The following ZFR2 variants were observed in gnomAD, a reference collection of about 807,000 sequenced individuals.
ZFR2 encodes the protein zinc finger RNA-binding protein 2.
ZFR2 carries 104 observed loss-of-function variants against 105.7 expected under a neutral mutation model. The observed-to-expected ratio is 0.98, with a 90% CI of 0.84 to 1.16. ZFR2 has a LOEUF of 1.16. ZFR2 is among the 50% of genes most tolerant of loss of function. The pLI, the probability that ZFR2 is intolerant of heterozygous loss-of-function variation, is 0.00. For synonymous variants in ZFR2, 634 were observed against 597.7 expected (o/e 1.06, Z -0.89); for missense variants, 1,425 against 1,355.5 (o/e 1.05, Z -0.80).
rs2038013875 is a variant in ZFR2, at chr19:3,831,440, G to A, written c.715C>T (p.Pro239Ser). 6.4e-7 allele frequency: 1 copy of A among 1,551,412 alleles called. No homozygotes were observed. Among genetic ancestry groups the A allele is most frequent in the South Asian group, 1.2e-5 (1 of 84,176 alleles). ...PPQQLPPPPAPAGSGSSPRAD... is the reference protein window; with the variant it reads ...PPQQLPPPPASAGSGSSPRAD... Reference sequence around the variant, plus strand: ...CTGGGGCTGCTTCCTGAGCCTGCAGGCGCGGGCGGCGGGGGCAGCTGCTGC... The same window carrying A: ...CTGGGGCTGCTTCCTGAGCCTGCAGACGCGGGCGGCGGGGGCAGCTGCTGC... The change falls in exon 5 of 19, where the codon CCT becomes TCT. Residue 239 changes from proline to serine, a missense_variant. By Grantham distance (74) the Pro-to-Ser change is moderately conservative (BLOSUM62 -1). Coordinates refer to ENST00000262961, the MANE Select transcript of ZFR2 (RefSeq NM_015174.2).
intron 1 of ZFR2, among the ~76,000 whole-genome samples, chr19:3,868,290 C>T (rs1392527295): frequency 6.6e-6 from 1 of 151,496 alleles, no homozygotes. Context: ...TTTCTCCTCC[C>T]CTACAAGTAA....
intron 1 of ZFR2, 92 bp downstream of exon 1, chr19:3,868,873 C>T: frequency 9.3e-7 from 1 of 1,072,310 alleles, no homozygotes. Context: ...TGGGGCCGGG[C>T]CGGGCGCACG....
At chr19:3,811,171 G>A in intron 15 of ZFR2, 101 bp downstream of exon 15, 1 of 1,178,440 alleles carries the variant, frequency 8.5e-7, no homozygotes, top group South Asian at 1.6e-5. Flanking sequence ...TGCGCTGGGA[G>A]CCCACGGGGC....
intron 5 of ZFR2, among the ~76,000 whole-genome samples, chr19:3,828,960 AT>A (rs1173197984): frequency 8.1e-6 from 1 of 123,516 alleles, no homozygotes; most frequent in Non-Finnish European, 1.7e-5. Context: ...GAACTTAGGA[AT>A]CTTTTTTTTT....
intron 1 of ZFR2, among the ~76,000 whole-genome samples, chr19:3,839,139 C>T (rs2038108515): frequency 6.6e-6 from 1 of 152,084 alleles, no homozygotes; most frequent in South Asian, 2.1e-4. Context: ...AGGGCCCTAT[C>T]CATAAAGAAG....
At chr19:3,860,923 C>G (rs549697601) in intron 1 of ZFR2, among the ~76,000 whole-genome samples, 2 of 152,262 alleles carry the variant, frequency 1.3e-5, no homozygotes, top group African/African-American at 4.8e-5. Flanking sequence ...ACCCCAGGTT[C>G]TCATGAGCAA....
rs2037892088 is a variant in ZFR2 at position 3,821,454 on chromosome 19, A to G, written c.1517T>C (p.Ile506Thr). 4 of 1,607,904 alleles carry G rather than the reference A, an allele frequency of 2.5e-6. No homozygotes were observed. Among genetic ancestry groups the G allele is most frequent in the Non-Finnish European group, 2.6e-6 (3 of 1,176,082 alleles). The change falls in exon 10 of 19, where the codon ATT (isoleucine) becomes ACT (threonine). Residue 506 changes from isoleucine to threonine, a missense_variant. Transcript: ENST00000262961. Reference protein sequence around the residue: ...YRKKVNPDLPIATEPSSRARK... With the variant: ...YRKKVNPDLPTATEPSSRARK... ...AGCCCGGCTGCTGGGCTCCGTGGCA[A>G]TGGGAAGGTCCGGGTTCACTTTCTT...
At chr19:3,849,313 C>T (rs997092332) in intron 1 of ZFR2, among the ~76,000 whole-genome samples, 6 of 152,236 alleles carry the variant, frequency 3.9e-5, no homozygotes, top group African/African-American at 1.2e-4. Context: ...TTTGTCTCCA[C>T]CTGGTGGACA....
chr19:3,810,588 C>T (rs2037751903), intron 16 of ZFR2, among the ~76,000 whole-genome samples, 162 bp downstream of exon 16: 1 of 152,374 alleles, frequency 6.6e-6, no homozygotes, highest in Admixed American at 6.5e-5. Context: ...GGGCCGTCTC[C>T]CCCGCAAGGG....
chr19:3,806,134 C>A lies in ZFR2; in HGVS notation c.2644-9G>T. 1 of 1,424,254 alleles carries A rather than the reference C, an allele frequency of 7.0e-7. No individual in the cohort carries two copies. Among genetic ancestry groups the A allele is most frequent in the Non-Finnish European group, 9.2e-7 (1 of 1,090,490 alleles). 88.2% of individuals were successfully genotyped at this position (1,424,254 alleles called of 1,614,324 possible). On this transcript the variant is annotated splice_polypyrimidine_tract_variant and intron_variant, in intron 18 of 18. Transcript: ENST00000262961. Reference sequence around the variant, plus strand: ...AGCATTCGCAGGGCGTGCTGCGGGGCACACACAGCCTGTCAGGACCCCCGC... The same window carrying A: ...AGCATTCGCAGGGCGTGCTGCGGGGAACACACAGCCTGTCAGGACCCCCGC...
intron 1 of ZFR2, among the ~76,000 whole-genome samples, chr19:3,836,388 G>A (rs948666494): frequency 4.6e-5 from 7 of 152,048 alleles, no homozygotes; most frequent in African/African-American, 1.7e-4. Flanking sequence ...TCAGTGCTAC[G>A]ATCACAGCCC....
chr19:3,828,353 G>A (rs1286282591), intron 5 of ZFR2, among the ~76,000 whole-genome samples: 1 of 152,106 alleles, frequency 6.6e-6, no homozygotes, highest in Non-Finnish European at 1.5e-5. Context: ...AAACCCACAG[G>A]CTCAGACTGC....
At chr19:3,849,521 C>T (rs2038215208) in intron 1 of ZFR2, among the ~76,000 whole-genome samples, 1 of 152,244 alleles carries the variant, frequency 6.6e-6, no homozygotes, top group South Asian at 2.1e-4. Context: ...CCACTCCATG[C>T]CAGGAGCTCC....
At chr19:3,856,650 T>C (rs2038305245) in intron 1 of ZFR2, among the ~76,000 whole-genome samples, 1 of 152,182 alleles carries the variant, frequency 6.6e-6, no homozygotes, top group Non-Finnish European at 1.5e-5. Flanking sequence ...GGTATGGTGA[T>C]GGTGTGATGA....
chr19:3,849,150 C>T (rs571906973), intron 1 of ZFR2, among the ~76,000 whole-genome samples: 1 of 152,352 alleles, frequency 6.6e-6, no homozygotes, highest in South Asian at 2.1e-4. Context: ...ACCTGGAGGC[C>T]CAGGCGTGCT....
chr19:3,851,764 A>G (rs1241906198), intron 1 of ZFR2: 1 of 153,176 alleles, frequency 6.5e-6, no homozygotes, highest in Non-Finnish European at 1.5e-5. Flanking sequence ...TAAAAGGGTA[A>G]TAATACTTCA....
Position 3,862,333 on chromosome 19 carries a change from G to A in ZFR2, c.53+6632C>T, listed in dbSNP as rs188770838. On this transcript the variant is annotated intron_variant, in intron 1 of 18. Transcript: ENST00000262961. Reference sequence around the variant, plus strand: ...TTTCTTTTGAGATGGAGTCTCACTCGGTTGCCCAGGCTGGAGTGCAATGGC... The same window carrying A: ...TTTCTTTTGAGATGGAGTCTCACTCAGTTGCCCAGGCTGGAGTGCAATGGC... Among the ~76,000 whole-genome samples the A allele has an allele frequency of 1.6e-4, 24 of 152,102 alleles. No individual in the cohort carries two copies. The East Asian group carries it at 2.7e-3, about 17-fold the overall frequency.
Position 3,818,663 on chromosome 19 carries a change from C to T in ZFR2, c.1931+382G>A, listed in dbSNP as rs181236470. ...CACGGGCACTCAGTGACATGAACTA[C>T]TCTGATTACTCAGTCACTCCCCAAG... On this transcript the variant is annotated intron_variant, in intron 12 of 18. Coordinates refer to ENST00000262961, the MANE Select transcript of ZFR2 (RefSeq NM_015174.2). 2.5e-3 allele frequency among the ~76,000 whole-genome samples: 378 copies of T among 152,318 alleles called. 5 individuals carry two copies. Among genetic ancestry groups the T allele is most frequent in the African/African-American group, 8.6e-3 (356 of 41,560 alleles).
rs985753916 is a variant in ZFR2 at position 3,805,469 on chromosome 19, C to T, written c.*480G>A. The T allele has an allele frequency of 3.2e-5, 5 of 154,008 alleles. No individual in the cohort carries two copies. The highest frequency in any genetic ancestry group is 6.5e-5 in the Admixed American group (1 of 15,420). 9.5% of individuals were successfully genotyped at this position (154,008 alleles called of 1,614,324 possible). ...CCTGGCCTCAAGGCTCCGGACTCAG[C>T]CTCCCAAGTAGCTGGGACTACAGGT... is the stretch of plus-strand genomic sequence containing the variant. On this transcript the variant is annotated 3_prime_UTR_variant, in exon 19 of 19. Coordinates refer to ENST00000262961, the MANE Select transcript of ZFR2 (RefSeq NM_015174.2).
Sources: allele counts gnomAD v4.1 joint callset (sites outside exome capture counted in the v4.1 genomes callset), GRCh38; gene constraint gnomAD v4.1.1; transcripts MANE v1.5; gene names NCBI Gene and HGNC (gene_info 2026-07-23, HGNC 2026-07-21).